The following LRIG1 variants were observed in gnomAD, a reference collection of about 807,000 sequenced individuals.
LRIG1 encodes leucine rich repeats and immunoglobulin like domains 1.
LRIG1 carries 48 observed loss-of-function variants against 99.2 expected under a neutral mutation model. That is an observed-to-expected ratio of 0.48 (90% CI 0.38 to 0.62). The LOEUF is 0.62. Among genes scored for constraint, LRIG1 ranks in the 20% least tolerant of loss-of-function variants. LRIG1 has a pLI of 0.00. For missense variants in LRIG1, 1,646 were observed against 1,434.4 expected, an observed-to-expected ratio of 1.15 and a Z score of -2.38; for synonymous variants, 772 against 596.1, an observed-to-expected ratio of 1.29 and a Z score of -4.30.
Position 66,398,098 on chromosome 3 carries a change from A to C in LRIG1, c.1304+14T>G. 6.2e-7 allele frequency: 1 copy of C among 1,604,974 alleles called. No individual in the cohort carries two copies. Among genetic ancestry groups the C allele is most frequent in the Non-Finnish European group, 8.5e-7 (1 of 1,171,872 alleles). On this transcript the variant is annotated intron_variant, in intron 11 of 18. Coordinates refer to ENST00000273261, the MANE Select transcript of LRIG1 (RefSeq NM_015541.3). Reference sequence around the variant, plus strand: ...CACTACCATTAATCAGACCCAGGGAATCCAGATACTTACAGCTCTTTAAGA... The same window carrying C: ...CACTACCATTAATCAGACCCAGGGACTCCAGATACTTACAGCTCTTTAAGA...
At chr3:66,474,348 T>C (rs754651903) in intron 1 of LRIG1, among the ~76,000 whole-genome samples, 13 of 126,220 alleles carry the variant, frequency 1.0e-4, no homozygotes, top group Non-Finnish European at 1.7e-4. Context: ...ATCTACGTTC[T>C]TTTTTTTTTT....
intron 1 of LRIG1, among the ~76,000 whole-genome samples, chr3:66,472,738 CCAATAATAT>C (rs1264957047): frequency 6.6e-6 from 1 of 152,116 alleles, no homozygotes; most frequent in Admixed American, 6.5e-5. Context: ...AATGAAACCT[CCAATAATAT>C]ATTACTTCCT....
At chr3:66,469,503 C>T (rs1438841653) in intron 1 of LRIG1, among the ~76,000 whole-genome samples, 1 of 152,154 alleles carries the variant, frequency 6.6e-6, no homozygotes, top group East Asian at 1.9e-4. Flanking sequence ...AAGTCTAACG[C>T]CCGTGACGTT....
At chr3:66,428,034 T>C (rs1703039229) in intron 3 of LRIG1, among the ~76,000 whole-genome samples, 1 of 152,366 alleles carries the variant, frequency 6.6e-6, no homozygotes, top group African/African-American at 2.4e-5. Context: ...TTTCTTTCTA[T>C]TGTTGACGGA....
intron 1 of LRIG1, among the ~76,000 whole-genome samples, chr3:66,481,417 G>A (rs1700848462): frequency 6.6e-6 from 1 of 152,082 alleles, no homozygotes; most frequent in South Asian, 2.1e-4. Context: ...ACCTTCTAGG[G>A]AGGCTGTGCC....
intron 3 of LRIG1, among the ~76,000 whole-genome samples, chr3:66,437,552 C>T (rs1703401702): frequency 6.6e-6 from 1 of 152,150 alleles, no homozygotes; most frequent in Non-Finnish European, 1.5e-5. Context: ...TCTACTATAA[C>T]GTGCCCAAGC....
At chr3:66,407,203 G>C (rs1380981871) in intron 8 of LRIG1, 145 bp downstream of exon 8, 22 of 764,130 alleles carry the variant, frequency 2.9e-5, no homozygotes, top group Non-Finnish European at 2.1e-5. Flanking sequence ...ATAAAAGTTT[G>C]AGACTCTGCA....
intron 13 of LRIG1, 34 bp downstream of exon 13, chr3:66,385,947 T>G: frequency 6.3e-7 from 1 of 1,580,170 alleles, no homozygotes; most frequent in Non-Finnish European, 8.7e-7. Flanking sequence ...CTTTGTAGGA[T>G]TCTGGTACTA....
chr3:66,394,257 TC>T, intron 11 of LRIG1, 54 bp from the exon 12 acceptor site: 1 of 1,455,026 alleles, frequency 6.9e-7, no homozygotes, highest in South Asian at 1.4e-5. Context: ...GGAGGGACAC[TC>T]CCTTCACACA....
chr3:66,434,755 TAA>T (rs71616222), intron 3 of LRIG1, among the ~76,000 whole-genome samples: 52 of 100,266 alleles, frequency 5.2e-4, no homozygotes, highest in Admixed American at 1.2e-3. Context: ...TCAAAAAAAT[TAA>T]AAAAAAAAAA....
At chr3:66,473,884 C>T (rs1372835097) in intron 1 of LRIG1, among the ~76,000 whole-genome samples, 2 of 152,182 alleles carry the variant, frequency 1.3e-5, no homozygotes, top group Non-Finnish European at 2.9e-5. Context: ...TTAAAGTTTA[C>T]GTGTGTCATG....
Position 66,405,230 on chromosome 3 carries a change from G to A in LRIG1, c.1128C>T (p.Gly376=), listed in dbSNP as rs770458743. 1.5e-5 allele frequency: 24 copies of A among 1,614,070 alleles called. No homozygotes were observed. The African/African-American group carries it at 1.7e-4, about 12-fold the overall frequency. ...TGAGGCTGTCGAGCCCTGAGAAGGC[G>A]CCGCTCGTGTCCTCTATTGTGCCCG... The part of the protein sequence containing the change: ...EISGTIEDTS[G]AFSGLDSLSK... Residue 376 remains glycine (G), a synonymous_variant, in exon 9 of 19, where the codon GGC becomes GGT. Transcript: ENST00000273261.
chr3:66,496,353 C>T (rs539314554), intron 1 of LRIG1, among the ~76,000 whole-genome samples: 12 of 152,248 alleles, frequency 7.9e-5, no homozygotes, highest in South Asian at 6.2e-4. Flanking sequence ...ATAGATATTA[C>T]GGCCACAATT....
At chr3:66,459,939 A>T (rs1575707955) in intron 2 of LRIG1, among the ~76,000 whole-genome samples, 1 of 152,344 alleles carries the variant, frequency 6.6e-6, no homozygotes, top group East Asian at 1.9e-4. Context: ...AATCAGTAAT[A>T]CTAATCCTAT....
At chr3:66,490,644 TTAA>T (rs1701081334) in intron 1 of LRIG1, among the ~76,000 whole-genome samples, 1 of 14,884 alleles carries the variant, frequency 6.7e-5, no homozygotes, top group Non-Finnish European at 8.8e-4. Context: ...GCCCCATAAT[TTAA>T]AAAAAAAAAA....
intron 3 of LRIG1, among the ~76,000 whole-genome samples, chr3:66,423,894 G>C (rs760409096): frequency 6.6e-6 from 1 of 152,186 alleles, no homozygotes; most frequent in Non-Finnish European, 1.5e-5. Flanking sequence ...ATGAGTTCTT[G>C]TTTTTAGTAG....
At chr3:66,433,377 C>T (rs982032294) in intron 3 of LRIG1, among the ~76,000 whole-genome samples, 7 of 152,216 alleles carry the variant, frequency 4.6e-5, no homozygotes, top group African/African-American at 1.4e-4. Flanking sequence ...GGTGCTGCAG[C>T]GCTAAAGCTC....
At chr3:66,437,502 C>G (rs1477695756) in intron 3 of LRIG1, among the ~76,000 whole-genome samples, 5 of 152,218 alleles carry the variant, frequency 3.3e-5, no homozygotes, top group Non-Finnish European at 7.3e-5. Flanking sequence ...TATCCCCTGG[C>G]TGGAGAGCCA....
At chr3:66,429,919 A>G (rs1005068316) in intron 3 of LRIG1, among the ~76,000 whole-genome samples, 2 of 152,126 alleles carry the variant, frequency 1.3e-5, no homozygotes, top group African/African-American at 4.8e-5. Context: ...AAAACAAAAC[A>G]AAACAAAACC....
Sources: gnomAD v4.1 joint callset for allele counts (sites outside exome capture counted in the v4.1 genomes callset) on GRCh38, gnomAD v4.1.1 for gene constraint, MANE v1.5 for transcripts, NCBI Gene and HGNC (gene_info 2026-07-23, HGNC 2026-07-21) for gene names.